TENM3: variants seen among roughly 807,000 people sequenced by gnomAD.
The protein encoded by TENM3 is teneurin-3.
A neutral mutation model predicts 255.1 loss-of-function variants in TENM3; 63 were observed. That is an observed-to-expected ratio of 0.25 (90% CI 0.20 to 0.30). The LOEUF is 0.30. TENM3 is among the 10% of genes least tolerant of loss of function. TENM3 has a pLI of 1.00. For missense variants in TENM3, 2,929 were observed against 3,461.1 expected (o/e 0.85, Z 3.86); for synonymous variants, 1,306 against 1,322.3 (o/e 0.99, Z 0.27).
At chr4:181,468,525 A>G in the TENM3 span, among the ~76,000 whole-genome samples, 1 of 152,204 alleles carries the variant, frequency 6.6e-6, no homozygotes, top group East Asian at 1.9e-4. Flanking sequence ...CTGAGCGTGC[A>G]TGTTTGACCA....
At chr4:182,334,678 CA>C (rs796618081) in intron 2 of TENM3, among the ~76,000 whole-genome samples, 46 of 148,688 alleles carry the variant, frequency 3.1e-4, no homozygotes, top group Middle Eastern at 3.4e-3. Context: ...TAACATAAAA[CA>C]AAAAAAAGGT....
At position 182,554,458 on chromosome 4, in the gene TENM3, A is replaced by G. The variant is rs1040161937; in HGVS notation, c.512-46466A>G. On this transcript the variant is annotated intron_variant, in intron 3 of 27. Transcript: ENST00000511685. Reference sequence around the variant, plus strand: ...ACCAAGAATTACAGTTTTCTACATGATAGTAATGTAAATGCATCAGGAAAA... The same window carrying G: ...ACCAAGAATTACAGTTTTCTACATGGTAGTAATGTAAATGCATCAGGAAAA... Among the ~76,000 whole-genome samples the G allele has an allele frequency of 6.6e-5, 10 of 152,192 alleles. 1 individual carries two copies. The highest frequency in any genetic ancestry group is 2.4e-4 in the African/African-American group (10 of 41,446).
At chr4:181,995,331 A>C in the TENM3 span, among the ~76,000 whole-genome samples, 2 of 152,094 alleles carry the variant, frequency 1.3e-5, no homozygotes, top group Non-Finnish European at 2.9e-5. Context: ...CAATACAGTG[A>C]ATTACATCTG....
chr4:182,193,959 A>C lies in TENM3; in HGVS notation c.-76+49205A>C, dbSNP rs528484756. The stretch of plus-strand genomic sequence containing the variant: ...TTGAGATTGTTATTGAAACGTTTAT[A>C]AATACTGCATCAAATGGCGTCCACA... On this transcript the variant is annotated intron_variant, in intron 1 of 2. Coordinates refer to the TENM3 transcript ENST00000512480. Among the ~76,000 whole-genome samples, 135 of 152,322 alleles carry C rather than the reference A, an allele frequency of 8.9e-4. 1 individual carries two copies. The highest frequency in any genetic ancestry group is 3.1e-3 in the African/African-American group (129 of 41,572).
chr4:182,527,319 T>C (rs1739301748), intron 3 of TENM3, among the ~76,000 whole-genome samples: 1 of 152,218 alleles, frequency 6.6e-6, no homozygotes. Context: ...GTAAGAGGAA[T>C]AAATTATGAC....
At chr4:182,220,949 G>A (rs1755819006) in intron 1 of TENM3, among the ~76,000 whole-genome samples, 1 of 152,188 alleles carries the variant, frequency 6.6e-6, no homozygotes, top group East Asian at 1.9e-4. Flanking sequence ...ACGAAACTAA[G>A]ATATCTACAT....
the TENM3 span, among the ~76,000 whole-genome samples, chr4:181,710,450 G>A: frequency 1.3e-5 from 2 of 152,088 alleles, no homozygotes; most frequent in African/African-American, 4.8e-5. Context: ...GGGCACGGTG[G>A]CTCACACCTG....
chr4:182,652,740 G>T (rs899975270), intron 5 of TENM3, among the ~76,000 whole-genome samples: 2 of 152,016 alleles, frequency 1.3e-5, no homozygotes, highest in African/African-American at 2.4e-5. Context: ...CCTCCATTGC[G>T]CTGGTAAATT....
chr4:182,600,799 G>C, intron 3 of TENM3, 125 bp from the exon 4 acceptor site: 1 of 494,932 alleles, frequency 2.0e-6, no homozygotes, highest in Middle Eastern at 5.4e-4. Flanking sequence ...TTAGGTTATG[G>C]ATTTATATGC....
the TENM3 span, among the ~76,000 whole-genome samples, chr4:181,543,335 G>C: frequency 6.6e-6 from 1 of 152,110 alleles, no homozygotes; most frequent in African/African-American, 2.4e-5. Flanking sequence ...AATGTAAGGG[G>C]AGGGGAGGGG....
the TENM3 span, among the ~76,000 whole-genome samples, chr4:182,079,167 T>C: frequency 6.6e-6 from 1 of 152,076 alleles, no homozygotes; most frequent in East Asian, 1.9e-4. Flanking sequence ...GTTTTCATGG[T>C]GGAGGGTAGC....
the TENM3 span, among the ~76,000 whole-genome samples, chr4:182,081,603 A>AAG: frequency 1.5e-4 from 22 of 147,814 alleles, no homozygotes; most frequent in African/African-American, 4.2e-4. Flanking sequence ...AAAAAAAAAA[A>AAG]AAGAAGAAGA....
chr4:181,594,007 T>TTTC, the TENM3 span, among the ~76,000 whole-genome samples: 284 of 150,162 alleles, frequency 1.9e-3, 2 homozygotes, highest in Middle Eastern at 7.1e-3. Flanking sequence ...TTTTTTTTTT[T>TTTC]ATAATGAAAT....
intron 4 of TENM3, among the ~76,000 whole-genome samples, chr4:182,603,156 C>T (rs888357872): frequency 2.0e-5 from 3 of 152,118 alleles, no homozygotes; most frequent in African/African-American, 7.2e-5. Flanking sequence ...AGAAGAAAAT[C>T]CACTGTAGCC....
chr4:181,885,631 C>G, the TENM3 span, among the ~76,000 whole-genome samples: 1 of 152,104 alleles, frequency 6.6e-6, no homozygotes, highest in African/African-American at 2.4e-5. Context: ...TGAAAAAAAT[C>G]ACTCCCATAG....
the TENM3 span, among the ~76,000 whole-genome samples, chr4:181,857,263 A>G: frequency 1.3e-5 from 2 of 151,990 alleles, no homozygotes; most frequent in Admixed American, 6.6e-5. Context: ...CAGCCAGGAA[A>G]AGATCAAGGG....
intron 3 of TENM3, among the ~76,000 whole-genome samples, chr4:182,483,725 G>T (rs1036639275): frequency 6.6e-6 from 1 of 152,044 alleles, no homozygotes; most frequent in Non-Finnish European, 1.5e-5. Context: ...GGGTTTCATT[G>T]GCTCACAGTT....
the TENM3 span, among the ~76,000 whole-genome samples, chr4:181,790,231 C>T: frequency 6.6e-6 from 1 of 152,112 alleles, no homozygotes; most frequent in Non-Finnish European, 1.5e-5. Context: ...CACATCTGGC[C>T]ACACGTGGGT....
At chr4:181,681,364 AGGCAGGTGTAAAG>A in the TENM3 span, among the ~76,000 whole-genome samples, 1 of 152,106 alleles carries the variant, frequency 6.6e-6, no homozygotes, top group African/African-American at 2.4e-5. Flanking sequence ...TTATGCTCAC[AGGCAGGTGTAAAG>A]AACACCAGTC....
Sources: allele counts gnomAD v4.1 joint callset (sites outside exome capture counted in the v4.1 genomes callset), GRCh38; gene constraint gnomAD v4.1.1; transcripts MANE v1.5; gene names NCBI Gene and HGNC (gene_info 2026-07-23, HGNC 2026-07-21).